ATP2B2: variants seen among roughly 807,000 people sequenced by gnomAD.
ATP2B2 encodes the protein ATPase plasma membrane Ca2+ transporting 2, also known as plasma membrane calcium-transporting ATPase 2.
Under a neutral mutation model 120.0 loss-of-function variants are expected in ATP2B2, and 15 were observed. The observed-to-expected ratio is 0.12, with a 90% confidence interval of 0.08 to 0.19. The LOEUF is 0.19. Among genes scored for constraint, ATP2B2 ranks in the 10% least tolerant of loss-of-function variants. ATP2B2 has a pLI of 1.00. For missense variants in ATP2B2, 1,045 were observed against 1,719.8 expected, an observed-to-expected ratio of 0.61 and a Z score of 6.94; for synonymous variants, 694 against 700.3, an observed-to-expected ratio of 0.99 and a Z score of 0.14.
chr3:10,444,497 TCTC>T (rs1452198776), intron 2 of ATP2B2, among the ~76,000 whole-genome samples: 2 of 152,172 alleles, frequency 1.3e-5, no homozygotes, highest in African/African-American at 4.8e-5. Context: ...AGCCCCGCTC[TCTC>T]CTCCACTTGG....
chr3:10,617,366 G>GAAAC (rs2069419776), intron 2 of ATP2B2, among the ~76,000 whole-genome samples: 2 of 151,708 alleles, frequency 1.3e-5, no homozygotes, highest in African/African-American at 4.8e-5. Flanking sequence ...AAAATAAAAA[G>GAAAC]AAACAAACAA....
chr3:10,576,596 T>C (rs984421044), intron 2 of ATP2B2, among the ~76,000 whole-genome samples: 1 of 151,950 alleles, frequency 6.6e-6, no homozygotes, highest in Non-Finnish European at 1.5e-5. Flanking sequence ...CCCAGGCTGG[T>C]CTTCAACTCC....
intron 5 of ATP2B2, among the ~76,000 whole-genome samples, chr3:10,396,220 A>T (rs892695509): frequency 6.6e-6 from 1 of 152,254 alleles, no homozygotes; most frequent in African/African-American, 2.4e-5. Flanking sequence ...TCACAACCGC[A>T]GGGTTTGTTT....
chr3:10,510,402 A>G (rs1392949364), upstream of ATP2B2, among the ~76,000 whole-genome samples: 1 of 152,206 alleles, frequency 6.6e-6, no homozygotes, highest in Non-Finnish European at 1.5e-5. Context: ...TGAGTAGGGG[A>G]ATTGGAGCTT....
chr3:10,438,956 C>T (rs1297515744), intron 2 of ATP2B2, among the ~76,000 whole-genome samples: 2 of 152,202 alleles, frequency 1.3e-5, no homozygotes, highest in African/African-American at 2.4e-5. Context: ...GAACTGTTGC[C>T]AGGGATGCCC....
intron 1 of ATP2B2, among the ~76,000 whole-genome samples, chr3:10,457,971 C>T (rs1466210933): frequency 6.6e-6 from 1 of 152,128 alleles, no homozygotes; most frequent in Non-Finnish European, 1.5e-5. Flanking sequence ...ACCTTCCTAC[C>T]AGGGTCAACT....
intron 3 of ATP2B2, among the ~76,000 whole-genome samples, chr3:10,519,327 C>T (rs188217993): frequency 1.4e-4 from 22 of 152,208 alleles, no homozygotes; most frequent in African/African-American, 3.4e-4. Context: ...ATAAAGTGGC[C>T]GAGGCGGGAG....
intron 3 of ATP2B2, among the ~76,000 whole-genome samples, chr3:10,533,342 G>T (rs550209162): frequency 6.6e-6 from 1 of 152,176 alleles, no homozygotes; most frequent in South Asian, 2.1e-4. Context: ...TATTCATTTG[G>T]TAAGTATTTA....
intron 2 of ATP2B2, among the ~76,000 whole-genome samples, chr3:10,587,446 T>C (rs1020633361): frequency 1.3e-5 from 2 of 152,156 alleles, no homozygotes; most frequent in African/African-American, 2.4e-5. Context: ...TGGAGTGCAG[T>C]GGTTCGATCT....
chr3:10,507,165 G>T (rs1486274470), upstream of ATP2B2, among the ~76,000 whole-genome samples: 1 of 152,218 alleles, frequency 6.6e-6, no homozygotes, highest in Non-Finnish European at 1.5e-5. Context: ...TGGGGCAAGG[G>T]TGTGAGTCAG....
At chr3:10,351,554 C>A (rs2125414732) in intron 14 of ATP2B2, among the ~76,000 whole-genome samples, 1 of 152,250 alleles carries the variant, frequency 6.6e-6, no homozygotes. Context: ...ACTCCAGCAT[C>A]CACCTGCCAA....
chr3:10,535,387 G>GTGTA, intron 2 of ATP2B2, among the ~76,000 whole-genome samples: 1 of 55,792 alleles, frequency 1.8e-5, no homozygotes, highest in East Asian at 2.2e-3. Flanking sequence ...GCAGTTTGAT[G>GTGTA]TGTGTGTGTG....
At chr3:10,647,184 G>T (rs1433270338) in intron 1 of ATP2B2, among the ~76,000 whole-genome samples, 2 of 152,176 alleles carry the variant, frequency 1.3e-5, no homozygotes, top group African/African-American at 2.4e-5. Context: ...CATGGGGAGG[G>T]TTTCCATAGG....
intron 1 of ATP2B2, among the ~76,000 whole-genome samples, chr3:10,676,285 C>T (rs1247904441): frequency 6.6e-6 from 1 of 152,104 alleles, no homozygotes; most frequent in African/African-American, 2.4e-5. Context: ...AGCTGGATCC[C>T]CTTTGTGGGT....
chr3:10,385,209 G>A (rs562086720), intron 8 of ATP2B2, 59 bp downstream of exon 8: 1 of 1,535,912 alleles, frequency 6.5e-7, no homozygotes, highest in African/African-American at 1.4e-5. Flanking sequence ...CCCAAAGTTG[G>A]GGTGGGGGTG....
intron 2 of ATP2B2, among the ~76,000 whole-genome samples, chr3:10,600,395 T>C (rs1412584097): frequency 2.0e-5 from 3 of 152,028 alleles, no homozygotes; most frequent in Non-Finnish European, 2.9e-5. Context: ...CTGGACAGAG[T>C]CCAGACATCG....
chr3:10,454,273 G>A (rs1007610339), intron 1 of ATP2B2, among the ~76,000 whole-genome samples: 2 of 152,186 alleles, frequency 1.3e-5, no homozygotes, highest in East Asian at 1.9e-4. Context: ...GAACTGGCCC[G>A]GGGTAACCAG....
At chr3:10,494,578 T>A (rs2066066385) in intron 1 of ATP2B2, among the ~76,000 whole-genome samples, 2 of 152,200 alleles carry the variant, frequency 1.3e-5, no homozygotes. Context: ...CTTTGGGAAG[T>A]GCCCTTGGCT....
rs977006559 is a variant in ATP2B2 at position 10,340,807 on chromosome 3, T to A, written c.2918-103A>T. 1 of 1,142,906 alleles carries A rather than the reference T, an allele frequency of 8.7e-7. No individual in the cohort carries two copies. Among genetic ancestry groups the A allele is most frequent in the Non-Finnish European group, 1.3e-6 (1 of 771,984 alleles). The allele number at this position is 1,142,906 out of a possible 1,614,324, so 70.8% of individuals were successfully genotyped here. The stretch of plus-strand genomic sequence containing the variant: ...GGCCTCTTCTGAGCAGTGACGTGAA[T>A]CCCCAAGACATCAAGGCATGCTTGG... On this transcript the variant is annotated intron_variant, in intron 19 of 22. Transcript: ENST00000360273. The surrounding 1 kb of genome is among the most constrained non-coding windows in gnomAD (Gnocchi z 5.0).
Sources: gnomAD v4.1 joint callset for allele counts (sites outside exome capture counted in the v4.1 genomes callset) on GRCh38, gnomAD v4.1.1 for gene constraint, Gnocchi (gnomAD v3.1) non-coding constraint, MANE v1.5 for transcripts, NCBI Gene and HGNC (gene_info 2026-07-23, HGNC 2026-07-21) for gene names.